The following ROBO2 variants were observed in gnomAD, a reference collection of about 807,000 sequenced individuals.
ROBO2 encodes the protein roundabout homolog 2.
Under a neutral mutation model 160.8 loss-of-function variants are expected in ROBO2, and 53 were observed. The ratio of observed to expected loss-of-function variants is 0.33; its 90% CI spans 0.26 to 0.41. The LOEUF is 0.41. ROBO2 is among the 10% of genes least tolerant of loss of function. The pLI is 1.00. For synonymous variants in ROBO2, 664 were observed against 611.7 expected (o/e 1.09, Z -1.26); for missense variants, 1,577 against 1,722.4 (o/e 0.92, Z 1.49).
intron 2 of ROBO2, among the ~76,000 whole-genome samples, chr3:77,295,312 C>T (rs12634445): frequency 0.36 from 47,615 of 131,694 alleles, 9,097 homozygotes; most frequent in Middle Eastern, 0.56. Context: ...AAATTGACGG[C>T]TAAACGGGTA....
In ROBO2 at chr3:77,089,391, G is replaced by C. The variant is rs567682551; in HGVS notation, c.62-8623G>C. On this transcript the variant is annotated intron_variant, in intron 1 of 25. Transcript: ENST00000461745. ...TGGAAAGCAAGGTCACAGAGATGTT[G>C]CAGGGTGCTATTTTGTACAACTGGA... Among the ~76,000 whole-genome samples the C allele has an allele frequency of 7.2e-4, 110 of 152,240 alleles. 1 individual carries two copies. The highest frequency in any genetic ancestry group is 2.6e-3 in the African/African-American group (108 of 41,574).
At chr3:76,470,616 C>T (rs2078605504) in intron 2 of ROBO2, among the ~76,000 whole-genome samples, 1 of 152,066 alleles carries the variant, frequency 6.6e-6, no homozygotes, top group Non-Finnish European at 1.5e-5. Flanking sequence ...AGATAGAAGC[C>T]ACAAAATGTA....
intron 2 of ROBO2, among the ~76,000 whole-genome samples, chr3:76,123,623 T>A (rs1389262380): frequency 6.6e-6 from 1 of 152,196 alleles, no homozygotes; most frequent in Non-Finnish European, 1.5e-5. Context: ...TGTTTTGGAC[T>A]CTCCTGTCAC....
chr3:76,529,033 T>C (rs2082092170), intron 2 of ROBO2, among the ~76,000 whole-genome samples: 1 of 152,082 alleles, frequency 6.6e-6, no homozygotes, highest in Admixed American at 6.6e-5. Context: ...TTATAGAGTG[T>C]GGTGGTGAGA....
chr3:76,361,725 T>G (rs1430311076), intron 2 of ROBO2, among the ~76,000 whole-genome samples: 1 of 152,078 alleles, frequency 6.6e-6, no homozygotes, highest in Non-Finnish European at 1.5e-5. Flanking sequence ...AACTAGTATC[T>G]TCATAAGAAA....
intron 2 of ROBO2, among the ~76,000 whole-genome samples, chr3:76,396,655 C>T (rs1419438672): frequency 2.0e-5 from 3 of 152,234 alleles, no homozygotes; most frequent in Non-Finnish European, 4.4e-5. Flanking sequence ...GTACAAAAAT[C>T]ACAAGCATTC....
chr3:76,394,873 A>C (rs2077348025), intron 2 of ROBO2, among the ~76,000 whole-genome samples: 1 of 152,138 alleles, frequency 6.6e-6, no homozygotes, highest in Admixed American at 6.6e-5. Context: ...ACACAATAAT[A>C]ATGGGAGAAT....
At chr3:76,279,154 GGTGT>G in intron 2 of ROBO2, among the ~76,000 whole-genome samples, 1 of 151,102 alleles carries the variant, frequency 6.6e-6, no homozygotes, top group Middle Eastern at 3.5e-3. Context: ...ATATGCATGT[GGTGT>G]GTGTACGAGA....
intron 2 of ROBO2, among the ~76,000 whole-genome samples, chr3:76,821,402 G>A (rs185843965): frequency 1.5e-4 from 23 of 152,034 alleles, no homozygotes; most frequent in Admixed American, 1.1e-3. Flanking sequence ...TTCCCTCTCC[G>A]ATAGTTGCTG....
At chr3:77,047,926 A>C (rs931496683) in intron 1 of ROBO2, among the ~76,000 whole-genome samples, 3 of 151,892 alleles carry the variant, frequency 2.0e-5, no homozygotes, top group African/African-American at 7.3e-5. Context: ...GGGCGCCTGT[A>C]GTCCCAGCTA....
intron 2 of ROBO2, among the ~76,000 whole-genome samples, chr3:76,910,266 A>C (rs578202247): frequency 6.6e-6 from 1 of 152,288 alleles, no homozygotes; most frequent in African/African-American, 2.4e-5. Flanking sequence ...ACTTTTACTG[A>C]ATATAAAAAA....
intron 2 of ROBO2, among the ~76,000 whole-genome samples, chr3:76,184,101 T>C (rs1362550179): frequency 6.6e-6 from 1 of 152,154 alleles, no homozygotes; most frequent in Non-Finnish European, 1.5e-5. Context: ...TCCAAAACTT[T>C]GTGGCTTAAA....
intron 2 of ROBO2, among the ~76,000 whole-genome samples, chr3:76,764,017 T>C (rs530737550): frequency 1.3e-5 from 2 of 151,880 alleles, no homozygotes; most frequent in Non-Finnish European, 2.9e-5. Context: ...GGCCGGGAAA[T>C]TTTAACAACA....
At chr3:77,428,572 G>A (rs1040775129) in intron 2 of ROBO2, among the ~76,000 whole-genome samples, 1 of 151,002 alleles carries the variant, frequency 6.6e-6, no homozygotes, top group African/African-American at 2.4e-5. Flanking sequence ...TAGCCAGGAT[G>A]GTCTCGATCT....
In ROBO2 at chr3:77,374,144, C is replaced by T. The variant is rs1188044097; in HGVS notation, c.389-103270C>T. Among the ~76,000 whole-genome samples the T allele has an allele frequency of 2.3e-5, 3 of 129,318 alleles. No homozygotes were observed. The Admixed American group carries it at 2.7e-4, about 12-fold the overall frequency. The allele number at this position is 129,318 out of a possible 152,430, so 84.8% of individuals were successfully genotyped here. On this transcript the variant is annotated intron_variant, in intron 2 of 25. Transcript: ENST00000461745. ...GAGATCGCACCACTGCACTCCAGCCCAGGCCGACAACAGCGAGACTCCATC... is the reference window on the plus strand; with the variant it reads ...GAGATCGCACCACTGCACTCCAGCCTAGGCCGACAACAGCGAGACTCCATC...
intron 2 of ROBO2, among the ~76,000 whole-genome samples, chr3:75,992,400 C>A (rs2065599476): frequency 6.6e-6 from 1 of 152,160 alleles, no homozygotes; most frequent in Admixed American, 6.5e-5. Context: ...AGGGTGGAGC[C>A]CCCAAGCCTT....
At chr3:77,551,629 T>C (rs984361040) in intron 8 of ROBO2, among the ~76,000 whole-genome samples, 1 of 152,064 alleles carries the variant, frequency 6.6e-6, no homozygotes, top group Non-Finnish European at 1.5e-5. Flanking sequence ...CTAGCAAATT[T>C]GAGATATTTC....
chr3:76,342,667 C>T (rs1173461849), intron 2 of ROBO2, among the ~76,000 whole-genome samples: 3 of 152,140 alleles, frequency 2.0e-5, no homozygotes, highest in African/African-American at 4.8e-5. Flanking sequence ...ATATGCTAGC[C>T]ATGCTAGCAA....
chr3:77,407,263 C>T (rs1223878200), intron 2 of ROBO2, among the ~76,000 whole-genome samples: 2 of 152,032 alleles, frequency 1.3e-5, no homozygotes, highest in East Asian at 3.9e-4. Context: ...AAAAGAAAGT[C>T]ATGAGTGGGT....
Sources: gnomAD v4.1 joint callset for allele counts (sites outside exome capture counted in the v4.1 genomes callset) on GRCh38, gnomAD v4.1.1 for gene constraint, MANE v1.5 for transcripts, NCBI Gene and HGNC (gene_info 2026-07-23, HGNC 2026-07-21) for gene names.